Variants in SAMD12 observed in about 807,000 individuals in gnomAD.
The protein encoded by SAMD12 is sterile alpha motif domain containing 12.
SAMD12 carries 9 observed loss-of-function variants against 15.0 expected under a neutral mutation model. The ratio of observed to expected loss-of-function variants is 0.60; its 90% CI spans 0.36 to 1.05. SAMD12 has a LOEUF of 1.05. Among genes scored for constraint, SAMD12 ranks in the 50% least tolerant of loss-of-function variants. SAMD12 has a pLI of 0.01. For synonymous variants in SAMD12, 86 were observed against 90.1 expected (o/e 0.96, Z 0.25); for missense variants, 230 against 234.2 (o/e 0.98, Z 0.12).
At chr8:118,427,766 C>T (rs10955878) in intron 3 of SAMD12, among the ~76,000 whole-genome samples, 81,424 of 151,750 alleles carry the variant, frequency 0.54, 24,228 homozygotes, top group Non-Finnish European at 0.65. Flanking sequence ...TAAGAACATA[C>T]GTTTCCATTT....
chr8:118,346,389 C>G (rs2130572855), intron 4 of SAMD12, among the ~76,000 whole-genome samples: 1 of 152,228 alleles, frequency 6.6e-6, no homozygotes, highest in African/African-American at 2.4e-5. Context: ...CAGTTTTGCT[C>G]TCTCAATATA....
At chr8:118,241,350 A>C (rs988725567) in intron 4 of SAMD12, among the ~76,000 whole-genome samples, 16 of 152,120 alleles carry the variant, frequency 1.1e-4, no homozygotes, top group Non-Finnish European at 2.4e-4. Flanking sequence ...AGGACTCATT[A>C]AAAAAACTTA....
rs531831607 is a variant in SAMD12, at chr8:118,288,071, G to A, written c.434-90339C>T. Among the ~76,000 whole-genome samples, 25 of 152,280 alleles carry A rather than the reference G, an allele frequency of 1.6e-4. No homozygotes were observed. In the East Asian group the frequency reaches 4.3e-3, roughly 26 times the overall value. On this transcript the variant is annotated intron_variant, in intron 4 of 4. Coordinates refer to the SAMD12 transcript ENST00000409003. ...TCCTGAAGACCAAGCGTGGGCCTAT[G>A]AGCAGTAAATTTTTATATCATAAAA... is the stretch of plus-strand genomic sequence containing the variant.
intron 2 of SAMD12, among the ~76,000 whole-genome samples, chr8:118,497,548 A>G (rs1394038808): frequency 3.9e-5 from 6 of 152,120 alleles, no homozygotes; most frequent in Non-Finnish European, 1.5e-5. Flanking sequence ...TTGGAATAAT[A>G]GACACCAGGG....
intron 2 of SAMD12, among the ~76,000 whole-genome samples, chr8:118,543,615 TTTTCTTTC>T (rs1194978406): frequency 7.6e-5 from 11 of 144,106 alleles, no homozygotes; most frequent in Admixed American, 2.7e-4. Context: ...TTTTTTTTTC[TTTTCTTTC>T]TTTCTTTCTT....
At chr8:118,389,045 A>G (rs981225926) in intron 3 of SAMD12, among the ~76,000 whole-genome samples, 1 of 152,210 alleles carries the variant, frequency 6.6e-6, no homozygotes, top group Non-Finnish European at 1.5e-5. Flanking sequence ...CACTTGCACC[A>G]AGAGAATCTT....
At chr8:118,289,810 T>C (rs1221253970) in intron 4 of SAMD12, among the ~76,000 whole-genome samples, 1 of 152,218 alleles carries the variant, frequency 6.6e-6, no homozygotes, top group East Asian at 1.9e-4. Context: ...AAAATATGCT[T>C]TATTAAGTCC....
chr8:118,506,936 C>T (rs1225034286), intron 2 of SAMD12, among the ~76,000 whole-genome samples: 1 of 151,986 alleles, frequency 6.6e-6, no homozygotes, highest in East Asian at 1.9e-4. Flanking sequence ...TACTGTCACT[C>T]ATGGGAGGGT....
chr8:118,525,200 G>A (rs1280696614), intron 2 of SAMD12, among the ~76,000 whole-genome samples: 1 of 152,050 alleles, frequency 6.6e-6, no homozygotes. Context: ...TGTTTCCTCT[G>A]TTGTGATGAT....
intron 2 of SAMD12, among the ~76,000 whole-genome samples, chr8:118,492,216 A>C (rs1313882862): frequency 6.7e-6 from 1 of 149,458 alleles, no homozygotes; most frequent in Non-Finnish European, 1.5e-5. Flanking sequence ...GGGACTAATG[A>C]TGTTGAGCAC....
intron 2 of SAMD12, among the ~76,000 whole-genome samples, chr8:118,458,889 CACTT>C (rs1823333208): frequency 1.3e-5 from 2 of 152,202 alleles, no homozygotes; most frequent in South Asian, 4.2e-4. Context: ...ATGTGCCTGA[CACTT>C]AATTTCATGC....
chr8:118,464,759 T>A (rs191681467), intron 2 of SAMD12, among the ~76,000 whole-genome samples: 1 of 152,194 alleles, frequency 6.6e-6, no homozygotes, highest in Non-Finnish European at 1.5e-5. Context: ...TTGGGCAAGA[T>A]TTGCCAATGA....
chr8:118,496,362 TA>T (rs1824609988), intron 2 of SAMD12, among the ~76,000 whole-genome samples: 1 of 152,036 alleles, frequency 6.6e-6, no homozygotes, highest in African/African-American at 2.4e-5. Flanking sequence ...GGTACTGGCA[TA>T]AAAACAGACA....
intron 1 of SAMD12, among the ~76,000 whole-genome samples, chr8:118,588,199 G>T (rs1827499136): frequency 6.6e-6 from 1 of 152,144 alleles, no homozygotes; most frequent in East Asian, 1.9e-4. Context: ...GAATGGGGAT[G>T]GGAATGTGTT....
At chr8:118,366,895 AAAATAAAATAAAATAAAAT>A (rs545882450) in intron 4 of SAMD12, among the ~76,000 whole-genome samples, 6 of 93,934 alleles carry the variant, frequency 6.4e-5, no homozygotes, top group South Asian at 3.8e-4. Context: ...AAAATAAAAT[AAAATAAAATAAAATAAAAT>A]AAAAATGAAC....
At chr8:118,321,524 G>T (rs1446013020) in intron 4 of SAMD12, among the ~76,000 whole-genome samples, 2 of 152,038 alleles carry the variant, frequency 1.3e-5, no homozygotes, top group African/African-American at 4.8e-5. Context: ...TGAGGCAGGA[G>T]AATTGCTTGA....
At chr8:118,192,787 T>C (rs549874503) in exon 5 of SAMD12, 1 of 152,316 alleles carries the variant, frequency 6.6e-6, no homozygotes, top group African/African-American at 2.4e-5. Context: ...AACCAGCCAA[T>C]GGTAATTCAA....
intron 4 of SAMD12, among the ~76,000 whole-genome samples, chr8:118,335,288 T>C (rs1817004224): frequency 6.6e-6 from 1 of 152,128 alleles, no homozygotes; most frequent in Non-Finnish European, 1.5e-5. Context: ...ATCCAGATTT[T>C]CCCTCCTCTG....
intron 1 of SAMD12, among the ~76,000 whole-genome samples, chr8:118,604,503 C>T (rs1234478744): frequency 6.6e-6 from 1 of 152,102 alleles, no homozygotes; most frequent in Non-Finnish European, 1.5e-5. Flanking sequence ...CTCCACAGTA[C>T]ACCCAGAAAA....
Sources: gnomAD v4.1 joint callset for allele counts (sites outside exome capture counted in the v4.1 genomes callset) on GRCh38, gnomAD v4.1.1 for gene constraint, MANE v1.5 for transcripts, NCBI Gene and HGNC (gene_info 2026-07-23, HGNC 2026-07-21) for gene names.